The following RAP1A variants were observed in gnomAD, a reference collection of about 807,000 sequenced individuals.
RAP1A encodes the protein RAP1A, member of RAS oncogene family.
A neutral mutation model predicts 26.4 loss-of-function variants in RAP1A; 6 were observed. That is an observed-to-expected ratio of 0.23 (90% CI 0.12 to 0.45). RAP1A has a LOEUF of 0.45. RAP1A is among the 20% of genes least tolerant of loss of function. The pLI is 0.99. For missense variants in RAP1A, 121 were observed against 217.2 expected, an observed-to-expected ratio of 0.56 and a Z score of 2.78; for synonymous variants, 73 against 79.4, an observed-to-expected ratio of 0.92 and a Z score of 0.43.
At chr1:111,621,494 T>A (rs1180944328) in intron 1 of RAP1A, among the ~76,000 whole-genome samples, 1 of 152,226 alleles carries the variant, frequency 6.6e-6, no homozygotes, top group Non-Finnish European at 1.5e-5. Flanking sequence ...TATGGCCTAC[T>A]TCAGATACGA....
At chr1:111,674,884 T>C (rs780232483) in intron 1 of RAP1A, among the ~76,000 whole-genome samples, 2 of 152,200 alleles carry the variant, frequency 1.3e-5, no homozygotes, top group Non-Finnish European at 2.9e-5. Flanking sequence ...TCTCCCTGCC[T>C]CTAGTCTCTT....
intron 1 of RAP1A, among the ~76,000 whole-genome samples, chr1:111,657,849 T>G (rs1201363730): frequency 6.6e-6 from 1 of 152,184 alleles, no homozygotes; most frequent in Non-Finnish European, 1.5e-5. Context: ...AAATACCAAT[T>G]TATCCCTTTT....
At chr1:111,580,453 G>A (rs957546626) in intron 1 of RAP1A, among the ~76,000 whole-genome samples, 5 of 152,168 alleles carry the variant, frequency 3.3e-5, no homozygotes, top group African/African-American at 7.2e-5. Context: ...AAGAGAAATC[G>A]GGGCTGGAAG....
chr1:111,708,899 T>A (rs542523725), intron 6 of RAP1A, among the ~76,000 whole-genome samples: 2 of 152,348 alleles, frequency 1.3e-5, no homozygotes, highest in East Asian at 1.9e-4. Flanking sequence ...TTTCACTATT[T>A]TTCACTACCA....
At chr1:111,612,032 A>G (rs1439312424) in intron 1 of RAP1A, among the ~76,000 whole-genome samples, 1 of 149,202 alleles carries the variant, frequency 6.7e-6, no homozygotes, top group Admixed American at 6.7e-5. Flanking sequence ...TTTTTTTTAC[A>G]GAATAAATGA....
intron 1 of RAP1A, among the ~76,000 whole-genome samples, chr1:111,544,026 T>C (rs998968958): frequency 5.9e-5 from 9 of 152,328 alleles, no homozygotes; most frequent in East Asian, 3.9e-4. Context: ...TTGGAAGTCA[T>C]AGTTTCCAAT....
intron 1 of RAP1A, among the ~76,000 whole-genome samples, chr1:111,575,739 T>A (rs1318913522): frequency 1.3e-5 from 2 of 152,200 alleles, no homozygotes; most frequent in Non-Finnish European, 1.5e-5. Flanking sequence ...CCAAACCTGC[T>A]GACACCTTCA....
At chr1:111,589,620 A>G (rs900999315) in intron 1 of RAP1A, among the ~76,000 whole-genome samples, 8 of 152,188 alleles carry the variant, frequency 5.3e-5, no homozygotes. Context: ...CTGTTTAAAT[A>G]CTAAGTCCAA....
intron 1 of RAP1A, among the ~76,000 whole-genome samples, chr1:111,592,449 CATGT>C (rs922923574): frequency 2.6e-5 from 4 of 152,106 alleles, no homozygotes; most frequent in African/African-American, 9.7e-5. Flanking sequence ...GCCAAAGGCA[CATGT>C]ATATTGGGGA....
intron 1 of RAP1A, among the ~76,000 whole-genome samples, chr1:111,555,907 G>A (rs948110125): frequency 2.0e-5 from 3 of 152,094 alleles, no homozygotes; most frequent in South Asian, 2.1e-4. Flanking sequence ...GAAAAAAATC[G>A]ATAAATTGAA....
Position 111,691,421 on chromosome 1 carries a change from A to G in RAP1A, c.57+4A>G, listed in dbSNP as rs746166204. 3 of 1,607,574 alleles carry G rather than the reference A, an allele frequency of 1.9e-6. No individual in the cohort carries two copies. The Admixed American group carries it at 5.0e-5, about 27-fold the overall frequency. ...AGGCGTTGGGAAGTCTGCTCTGGTA[A>G]GTTAGCCACCTAACTGTAACTGATT... On this transcript the variant is annotated splice_donor_region_variant and intron_variant, in intron 2 of 7. Transcript: ENST00000369709.
At chr1:111,710,009 G>T (rs1328526602) in intron 7 of RAP1A, among the ~76,000 whole-genome samples, 3 of 152,150 alleles carry the variant, frequency 2.0e-5, no homozygotes, top group Non-Finnish European at 4.4e-5. Context: ...TCTAAGAATG[G>T]AATGGCCAGA....
intron 5 of RAP1A, among the ~76,000 whole-genome samples, chr1:111,703,700 A>G (rs985512352): frequency 3.3e-5 from 5 of 152,344 alleles, no homozygotes; most frequent in South Asian, 2.1e-4. Flanking sequence ...TCATTGTGCT[A>G]TAGGTTAAAA....
At chr1:111,585,976 T>C (rs1658358069) in intron 1 of RAP1A, among the ~76,000 whole-genome samples, 1 of 152,202 alleles carries the variant, frequency 6.6e-6, no homozygotes, top group African/African-American at 2.4e-5. Flanking sequence ...GCTTGGTTGA[T>C]TTTAGACAGT....
chr1:111,663,289 A>T (rs1007139759), intron 1 of RAP1A, among the ~76,000 whole-genome samples: 1 of 152,208 alleles, frequency 6.6e-6, no homozygotes, highest in Admixed American at 6.5e-5. Flanking sequence ...CCCCCAGTGT[A>T]TATATTCTTT....
At chr1:111,544,015 A>G (rs576355727) in intron 1 of RAP1A, among the ~76,000 whole-genome samples, 63 of 152,334 alleles carry the variant, frequency 4.1e-4, no homozygotes, top group Non-Finnish European at 1.3e-4. Flanking sequence ...CTAGGCATCT[A>G]TTGGAAGTCA....
intron 1 of RAP1A, among the ~76,000 whole-genome samples, chr1:111,642,218 C>G (rs1035417552): frequency 2.6e-5 from 4 of 151,988 alleles, no homozygotes; most frequent in African/African-American, 9.7e-5. Flanking sequence ...GCACTCCAGC[C>G]TGGGCAATAA....
At chr1:111,706,487 C>G (rs1662196434) in intron 6 of RAP1A, among the ~76,000 whole-genome samples, 1 of 151,988 alleles carries the variant, frequency 6.6e-6, no homozygotes, top group African/African-American at 2.4e-5. Context: ...TTCAAAAACT[C>G]TTATTCACAC....
intron 1 of RAP1A, among the ~76,000 whole-genome samples, chr1:111,634,439 A>G (rs1476223017): frequency 6.6e-6 from 1 of 151,296 alleles, no homozygotes; most frequent in Non-Finnish European, 1.5e-5. Flanking sequence ...ATATATATCT[A>G]TTCATATGTA....
Sources: allele counts gnomAD v4.1 joint callset (sites outside exome capture counted in the v4.1 genomes callset), GRCh38; gene constraint gnomAD v4.1.1; transcripts MANE v1.5; gene names NCBI Gene and HGNC (gene_info 2026-07-23, HGNC 2026-07-21).